Variants in TMEM132E observed in about 807,000 individuals in gnomAD.
The protein encoded by TMEM132E is transmembrane protein 132E.
A neutral mutation model predicts 78.5 loss-of-function variants in TMEM132E; 49 were observed. The ratio of observed to expected loss-of-function variants is 0.62; its 90% CI spans 0.50 to 0.79. TMEM132E has a LOEUF of 0.79. TMEM132E is among the 30% of genes least tolerant of loss of function. The pLI, the probability that TMEM132E is intolerant of heterozygous loss-of-function variation, is 0.00. For synonymous variants in TMEM132E, 715 were observed against 670.6 expected (o/e 1.07, Z -1.02); for missense variants, 1,403 against 1,470.9 (o/e 0.95, Z 0.75).
chr17:34,613,211 A>ACGCACGCG (rs1906663362), intron 1 of TMEM132E, among the ~76,000 whole-genome samples: 1 of 115,856 alleles, frequency 8.6e-6, no homozygotes, highest in African/African-American at 2.9e-5. Flanking sequence ...ACACACACAC[A>ACGCACGCG]CGCGCGCGCG....
rs1038822933 is a variant in TMEM132E at position 34,638,373 on chromosome 17, G to A, written c.*141G>A. ...CTGCCCCTGCAGCTTGGCTCCGTGCGGAGCGGGCCGCCTCAGTGTCTGGGC... is the reference window on the plus strand; with the variant it reads ...CTGCCCCTGCAGCTTGGCTCCGTGCAGAGCGGGCCGCCTCAGTGTCTGGGC... On this transcript the variant is annotated 3_prime_UTR_variant, in exon 9 of 9. Transcript: ENST00000631683. 12 of 939,506 alleles carry A rather than the reference G, an allele frequency of 1.3e-5. No individual in the cohort carries two copies. The highest frequency in any genetic ancestry group is 6.1e-5 in the Admixed American group (2 of 32,588). 58.2% of individuals were successfully genotyped at this position (939,506 alleles called of 1,614,324 possible).
rs893903096 is a variant in TMEM132E at position 34,606,067 on chromosome 17, G to A, written c.68-20060G>A. Among the ~76,000 whole-genome samples, 3 of 152,146 alleles carry A rather than the reference G, an allele frequency of 2.0e-5. No individual in the cohort carries two copies. In the South Asian group the frequency reaches 6.2e-4, roughly 32 times the overall value. On this transcript the variant is annotated intron_variant, in intron 1 of 8. Transcript: ENST00000631683. ...CAATGTGAAGAACTGGGTCTGGGCC[G>A]GGAGCAGTGGCTCATGCCTGTAATC...
At chr17:34,619,923 G>A (rs936422516) in intron 1 of TMEM132E, among the ~76,000 whole-genome samples, 3 of 152,268 alleles carry the variant, frequency 2.0e-5, no homozygotes, top group Admixed American at 1.3e-4. Context: ...TCCCAGCACA[G>A]CCCAGCACCC....
intron 1 of TMEM132E, among the ~76,000 whole-genome samples, chr17:34,583,088 G>C (rs1268358712): frequency 6.6e-6 from 1 of 152,112 alleles, no homozygotes; most frequent in Non-Finnish European, 1.5e-5. Flanking sequence ...TTTTTCCTTA[G>C]GCACCAGTGC....
At position 34,630,207 on chromosome 17, in the gene TMEM132E, T is replaced by G. The variant is rs546620095; in HGVS notation, c.1482+56T>G. On this transcript the variant is annotated intron_variant, in intron 5 of 8. Coordinates refer to ENST00000631683, the MANE Select transcript of TMEM132E (RefSeq NM_001304438.2). Reference sequence around the variant, plus strand: ...AAGAAGCCCTAGGCCTTCAGGAGAGTAGAACCTCAAACCAGAGTCCAGGTG... The same window carrying G: ...AAGAAGCCCTAGGCCTTCAGGAGAGGAGAACCTCAAACCAGAGTCCAGGTG... 1.8e-5 allele frequency: 28 copies of G among 1,567,378 alleles called. No individual in the cohort carries two copies. The East Asian group carries it at 2.3e-4, about 13-fold the overall frequency.
intron 1 of TMEM132E, among the ~76,000 whole-genome samples, chr17:34,582,172 T>G: frequency 6.7e-6 from 1 of 149,384 alleles, no homozygotes; most frequent in South Asian, 2.2e-4. Flanking sequence ...GCGGGGGTGT[T>G]TCGATGCTCC....
In TMEM132E at chr17:34,639,249, G is replaced by C. The variant is rs1038343685; in HGVS notation, c.*1017G>C. The C allele has an allele frequency of 1.3e-5, 2 of 152,548 alleles. No individual in the cohort carries two copies. Among genetic ancestry groups the C allele is most frequent in the African/African-American group, 4.8e-5 (2 of 41,408 alleles). 9.4% of individuals were successfully genotyped at this position (152,548 alleles called of 1,614,324 possible). On this transcript the variant is annotated 3_prime_UTR_variant, in exon 9 of 9. Transcript: ENST00000631683. Reference sequence around the variant, plus strand: ...CTCGGGTTCTACCCACCACTGTGTCGGATTTTTCTTAAATAAATGGAAGCG... The same window carrying C: ...CTCGGGTTCTACCCACCACTGTGTCCGATTTTTCTTAAATAAATGGAAGCG...
chr17:34,614,237 G>A (rs1283524614), intron 1 of TMEM132E, among the ~76,000 whole-genome samples: 4 of 152,254 alleles, frequency 2.6e-5, no homozygotes, highest in African/African-American at 2.4e-5. Context: ...TAGCTGCACA[G>A]CCGCTGGCCA....
At chr17:34,619,835 GCTAACAGATCC>G (rs752377173) in intron 1 of TMEM132E, among the ~76,000 whole-genome samples, 2 of 152,240 alleles carry the variant, frequency 1.3e-5, no homozygotes, top group African/African-American at 2.4e-5. Flanking sequence ...AGGAGCAAGT[GCTAACAGATCC>G]CTAAACACTG....
At chr17:34,618,236 T>C (rs1256847043) in intron 1 of TMEM132E, among the ~76,000 whole-genome samples, 1 of 152,132 alleles carries the variant, frequency 6.6e-6, no homozygotes, top group African/African-American at 2.4e-5. Context: ...AATTTTTTTG[T>C]TTTTTGTTTG....
intron 1 of TMEM132E, among the ~76,000 whole-genome samples, chr17:34,600,426 AGTGTGTGT>A (rs3220449): frequency 5.5e-4 from 79 of 144,036 alleles, no homozygotes; most frequent in African/African-American, 1.1e-3. Context: ...AGCGTATATG[AGTGTGTGT>A]GTGTGTGTGT....
At chr17:34,618,643 CT>C (rs1253274883) in intron 1 of TMEM132E, among the ~76,000 whole-genome samples, 4 of 152,234 alleles carry the variant, frequency 2.6e-5, no homozygotes, top group Non-Finnish European at 4.4e-5. Flanking sequence ...TTTGTAATTG[CT>C]TTCTAGAAAG....
In TMEM132E at chr17:34,582,022, G is replaced by C. The variant is rs543678204; in HGVS notation, c.67+879G>C. On this transcript the variant is annotated intron_variant, in intron 1 of 8. Transcript: ENST00000631683. Reference sequence around the variant, plus strand: ...CCGCAAGCTGGAGACGCTCCAGGAGGCGAGGGGAGCAGACCGAGGTGGGAG... The same window carrying C: ...CCGCAAGCTGGAGACGCTCCAGGAGCCGAGGGGAGCAGACCGAGGTGGGAG... 1.3e-4 allele frequency among the ~76,000 whole-genome samples: 20 copies of C among 152,232 alleles called. No individual in the cohort carries two copies. In the South Asian group the frequency reaches 4.2e-3, roughly 32 times the overall value.
chr17:34,619,277 A>T (rs1344575730), intron 1 of TMEM132E, among the ~76,000 whole-genome samples: 4 of 151,550 alleles, frequency 2.6e-5, no homozygotes, highest in Non-Finnish European at 5.9e-5. Flanking sequence ...GGTACTTGTC[A>T]TCATTAACTA....
Position 34,584,217 on chromosome 17 carries a change from C to T in TMEM132E, c.67+3074C>T, listed in dbSNP as rs143010250. 2.7e-3 allele frequency among the ~76,000 whole-genome samples: 410 copies of T among 152,350 alleles called. 2 individuals carry two copies. Among genetic ancestry groups the T allele is most frequent in the African/African-American group, 9.2e-3 (381 of 41,572 alleles). On this transcript the variant is annotated intron_variant, in intron 1 of 8. Transcript: ENST00000631683. ...AAGATACTGGCCTCTCGCCATCCTC[C>T]GTGTGCCCTATGAGGTATTGCTTTT...
Position 34,635,076 on chromosome 17 carries a change from A to C in TMEM132E, c.1966A>C (p.Thr656Pro). 1 of 1,611,744 alleles carries C rather than the reference A, an allele frequency of 6.2e-7. No individual in the cohort carries two copies. Among genetic ancestry groups the C allele is most frequent in the Non-Finnish European group, 8.5e-7 (1 of 1,178,906 alleles). ...GCTGGCAGGACTGGAGCCAGGCACC[A>C]CCCCCTTTAAGGTAGGTATGGGCTC... ...STLAGLEPGT[T>P]PFKVVSPLTE... Residue 656 changes from threonine (T) to proline (P), a missense_variant, in exon 7 of 9, where the codon ACC (threonine) becomes CCC (proline). Physicochemically the swap from Thr to Pro is conservative, Grantham distance 38 (BLOSUM62 -1). This residue lies in a region of TMEM132E where 888 missense variants were observed against 952.8 expected (regional missense o/e 0.93). Coordinates refer to ENST00000631683, the MANE Select transcript of TMEM132E (RefSeq NM_001304438.2).
intron 5 of TMEM132E, among the ~76,000 whole-genome samples, chr17:34,632,344 G>A (rs1907373631): frequency 2.0e-5 from 3 of 152,222 alleles, no homozygotes; most frequent in Admixed American, 2.0e-4. Flanking sequence ...TGGCTCCAGA[G>A]CCCCGTCAGT....
rs760798406 is a variant in TMEM132E at position 34,626,237 on chromosome 17, G to A, written c.178G>A (p.Glu60Lys). 1.9e-6 allele frequency: 3 copies of A among 1,594,084 alleles called. No individual in the cohort carries two copies. Among genetic ancestry groups the A allele is most frequent in the South Asian group, 2.3e-5 (2 of 88,038 alleles). The change falls in exon 2 of 9, where the codon GAG (glutamate) becomes AAG (lysine). Residue 60 changes from glutamate to lysine, a missense_variant. Physicochemically the swap from Glu to Lys is moderately conservative, Grantham distance 56. Around this residue, in one of 3 missense-constraint regions of TMEM132E, gnomAD observed 511 missense variants for 499.0 expected, o/e 1.02. Coordinates refer to ENST00000631683, the MANE Select transcript of TMEM132E (RefSeq NM_001304438.2). ...CACGCGGCTGGCCTTCTTCCTGCGG[G>A]AGGCGCGGCCCCCGTCACCCGCGGT... is the stretch of plus-strand genomic sequence containing the variant. Reference protein sequence around the residue: ...SHTRLAFFLREARPPSPAVAN... With the variant: ...SHTRLAFFLRKARPPSPAVAN...
chr17:34,597,191 A>G (rs113708586), intron 1 of TMEM132E, among the ~76,000 whole-genome samples: 4 of 152,072 alleles, frequency 2.6e-5, no homozygotes, highest in Admixed American at 2.6e-4. Flanking sequence ...CACTTCCCTC[A>G]TCAGTCTGGG....
Sources: gnomAD v4.1 joint callset for allele counts (sites outside exome capture counted in the v4.1 genomes callset) on GRCh38, gnomAD v4.1.1 for gene constraint, gnomAD v4.1.1 regional missense constraint, MANE v1.5 for transcripts, NCBI Gene and HGNC (gene_info 2026-07-23, HGNC 2026-07-21) for gene names.